HGSNAT: variants seen among roughly 807,000 people sequenced by gnomAD.
The protein encoded by HGSNAT is heparan-alpha-glucosaminide N-acetyltransferase, also known as transmembrane protein 76.
Under a neutral mutation model 85.2 loss-of-function variants are expected in HGSNAT, and 59 were observed. That is an observed-to-expected ratio of 0.69 (90% CI 0.56 to 0.86). HGSNAT has a LOEUF of 0.86. Ranked by LOEUF, HGSNAT falls within the 40% of genes least tolerant of loss-of-function variation. The pLI, the probability that HGSNAT is intolerant of heterozygous loss-of-function variation, is 0.00. For missense variants in HGSNAT, 756 were observed against 777.1 expected (o/e 0.97, Z 0.32); for synonymous variants, 321 against 304.5 (o/e 1.05, Z -0.56).
chr8:43,178,865 C>G (rs1442043993), intron 10 of HGSNAT, among the ~76,000 whole-genome samples: 2 of 147,696 alleles, frequency 1.4e-5, no homozygotes, highest in Non-Finnish European at 3.0e-5. Flanking sequence ...CATCTTGCAC[C>G]ACCCTTAATC....
chr8:43,196,930 CTG>C lies in HGSNAT; in HGVS notation c.1465-14_1465-13del. 6.6e-7 allele frequency: 1 copy of C among 1,503,880 alleles called. No individual in the cohort carries two copies. Among genetic ancestry groups the C allele is most frequent in the South Asian group, 1.1e-5 (1 of 88,310 alleles). 93.2% of individuals were successfully genotyped at this position (1,503,880 alleles called of 1,614,324 possible). A position where few individuals can be genotyped will look rare whatever the true frequency, so the allele number is the denominator to read the frequency against. ...CCCTTTGGCGATTCTTTTGGTCACA[CTG>C]TGTTATCTCCTCCAGGCAGGAAAAA... On this transcript the variant is annotated splice_polypyrimidine_tract_variant and intron_variant, in intron 14 of 17. Coordinates refer to ENST00000379644, the MANE Select transcript of HGSNAT (RefSeq NM_152419.3).
At chr8:43,193,625 AT>A (rs764276794) in intron 13 of HGSNAT, 131 bp from the exon 14 acceptor site, 84 of 602,560 alleles carry the variant, frequency 1.4e-4, no homozygotes, top group Non-Finnish European at 2.1e-4. Flanking sequence ...TAAGTTGGCA[AT>A]GAATTTCTGC....
Position 43,197,731 on chromosome 8 carries a change from C to CA in HGSNAT, c.1607dup (p.Asn536LysfsTer55). 1 of 1,612,656 alleles carries CA rather than the reference C, an allele frequency of 6.2e-7. No individual in the cohort carries two copies. Among genetic ancestry groups the CA allele is most frequent in the Non-Finnish European group, 8.5e-7 (1 of 1,178,702 alleles). On this transcript the variant is annotated frameshift_variant, in exon 16 of 18. Transcript: ENST00000379644. LOFTEE classifies it high-confidence loss of function. ...AAAATGAAGGCTTTATTCCAGTAAA[C>CA]AAAAATCTCTGGTATGTATGGAAAA...
intron 5 of HGSNAT, among the ~76,000 whole-genome samples, chr8:43,164,653 C>T (rs1803374923): frequency 1.3e-5 from 2 of 152,050 alleles, no homozygotes; most frequent in Admixed American, 1.3e-4. Flanking sequence ...TGGCGGCGCA[C>T]GCCTGTAATC....
intron 11 of HGSNAT, among the ~76,000 whole-genome samples, chr8:43,190,112 G>C (rs1224093383): frequency 6.6e-6 from 1 of 152,178 alleles, no homozygotes; most frequent in Non-Finnish European, 1.5e-5. Flanking sequence ...ATTGTGCTTG[G>C]CTATTTGCAT....
chr8:43,192,357 C>G lies in HGSNAT; in HGVS notation c.1304C>G (p.Thr435Ser). ...GATTTTGGCAAGTATCCAAATTGCA[C>G]TGGAGGAGCTGCAGGCTACATCGAC... Reference protein sequence around the residue: ...IGDFGKYPNCTGGAAGYIDRL... With the variant: ...IGDFGKYPNCSGGAAGYIDRL... The change falls in exon 13 of 18, where the codon ACT (threonine) becomes AGT (serine). Residue 435 changes from threonine to serine, a missense_variant. Coordinates refer to ENST00000379644, the MANE Select transcript of HGSNAT (RefSeq NM_152419.3). The G allele has an allele frequency of 2.5e-6, 4 of 1,612,262 alleles. No homozygotes were observed. Among genetic ancestry groups the G allele is most frequent in the Non-Finnish European group, 3.4e-6 (4 of 1,179,362 alleles).
At chr8:43,141,903 A>C (rs898232957) in intron 1 of HGSNAT, among the ~76,000 whole-genome samples, 1 of 152,158 alleles carries the variant, frequency 6.6e-6, no homozygotes, top group African/African-American at 2.4e-5. Flanking sequence ...ATCAAAGGGC[A>C]CTTACTTTTA....
chr8:43,178,594 C>CGATAGTGTGCAGCAG (rs1803896976), intron 10 of HGSNAT, among the ~76,000 whole-genome samples: 1 of 96,924 alleles, frequency 1.0e-5, no homozygotes, highest in African/African-American at 3.6e-5. Flanking sequence ...CATCAGCTTT[C>CGATAGTGTGCAGCAG]TTTTTTTTTT....
chr8:43,191,843 C>A (rs983309137), intron 12 of HGSNAT, among the ~76,000 whole-genome samples: 1 of 152,130 alleles, frequency 6.6e-6, no homozygotes, highest in African/African-American at 2.4e-5. Context: ...TGTCAGTGAG[C>A]GTGCATGAGC....
At chr8:43,151,674 C>T (rs879393663) in intron 2 of HGSNAT, among the ~76,000 whole-genome samples, 2 of 152,040 alleles carry the variant, frequency 1.3e-5, no homozygotes, top group Non-Finnish European at 2.9e-5. Flanking sequence ...AATATAAATA[C>T]GAGCATTTCG....
intron 11 of HGSNAT, among the ~76,000 whole-genome samples, chr8:43,183,948 C>A (rs931702615): frequency 2.6e-5 from 4 of 152,150 alleles, no homozygotes; most frequent in African/African-American, 9.7e-5. Flanking sequence ...ATCCATGTCC[C>A]TACAAAGGAC....
At chr8:43,180,603 C>CT (rs1804047404) in intron 10 of HGSNAT, 1 of 162,174 alleles carries the variant, frequency 6.2e-6, no homozygotes, top group Non-Finnish European at 1.3e-5. Flanking sequence ...ACGCTCCTCA[C>CT]TTTCCAGACT....
intron 12 of HGSNAT, 73 bp from the exon 13 acceptor site, chr8:43,192,231 G>C: frequency 6.6e-7 from 1 of 1,522,952 alleles, no homozygotes; most frequent in South Asian, 1.2e-5. Flanking sequence ...CCCGGCCTGA[G>C]GTTTTTTTAT....
At chr8:43,153,196 G>C (rs1802974401) in intron 2 of HGSNAT, among the ~76,000 whole-genome samples, 1 of 152,056 alleles carries the variant, frequency 6.6e-6, no homozygotes, top group Non-Finnish European at 1.5e-5. Flanking sequence ...GTGAGAAGTA[G>C]AATCTAATTT....
chr8:43,187,060 A>C (rs1204003034), intron 11 of HGSNAT, among the ~76,000 whole-genome samples: 1 of 152,190 alleles, frequency 6.6e-6, no homozygotes, highest in Non-Finnish European at 1.5e-5. Flanking sequence ...CTTTACTTCC[A>C]ACTATGTGGT....
intron 2 of HGSNAT, among the ~76,000 whole-genome samples, chr8:43,156,709 ATATT>A (rs1803106627): frequency 6.6e-6 from 1 of 152,178 alleles, no homozygotes; most frequent in Non-Finnish European, 1.5e-5. Context: ...GGGTGCAAAT[ATATT>A]TATAACTGTT....
chr8:43,194,783 T>G (rs1804652256), intron 14 of HGSNAT, among the ~76,000 whole-genome samples: 1 of 152,200 alleles, frequency 6.6e-6, no homozygotes. Context: ...ATGGGATTGT[T>G]GCCCTTATGA....
intron 2 of HGSNAT, among the ~76,000 whole-genome samples, chr8:43,150,799 A>T (rs934083235): frequency 6.6e-6 from 1 of 151,806 alleles, no homozygotes; most frequent in Admixed American, 6.6e-5. Context: ...GCGCCACTGC[A>T]CTCCAGCCTG....
chr8:43,196,829 C>T (rs551855868), intron 14 of HGSNAT, 119 bp from the exon 15 acceptor site: 3 of 684,618 alleles, frequency 4.4e-6, no homozygotes, highest in South Asian at 3.5e-5. Context: ...GTAATCCCAG[C>T]ACCTAGTAGC....
Sources: allele counts gnomAD v4.1 joint callset (sites outside exome capture counted in the v4.1 genomes callset), GRCh38; gene constraint gnomAD v4.1.1; transcripts MANE v1.5; gene names NCBI Gene and HGNC (gene_info 2026-07-23, HGNC 2026-07-21).